PLEKHG6: variants seen among roughly 807,000 people sequenced by gnomAD.
PLEKHG6 encodes the protein pleckstrin homology domain-containing family G member 6.
In PLEKHG6, 91 loss-of-function variants were observed where a neutral mutation model predicts 97.5. That is an observed-to-expected ratio of 0.93 (90% CI 0.79 to 1.11). The LOEUF (loss-of-function observed/expected upper bound fraction) is 1.11. PLEKHG6 is among the 50% of genes most tolerant of loss of function. The pLI, the probability that PLEKHG6 is intolerant of heterozygous loss-of-function variation, is 0.00. For missense variants in PLEKHG6, 1,044 were observed against 1,031.0 expected, an observed-to-expected ratio of 1.01 and a Z score of -0.17; for synonymous variants, 466 against 425.5, an observed-to-expected ratio of 1.10 and a Z score of -1.17.
At position 6,318,878 on chromosome 12, in the gene PLEKHG6, G is replaced by C; in HGVS notation, c.1408+1G>C. ...GTGTGCCAACCCCTGCGAGACCCCA[G>C]TACGTCCTTCCTTCAGGGAGTCTTT... is the stretch of plus-strand genomic sequence containing the variant. On this transcript the variant is annotated splice_donor_variant, in intron 12 of 15. Transcript: ENST00000684764. LOFTEE classifies it high-confidence loss of function. The C allele has an allele frequency of 6.2e-7, 1 of 1,614,234 alleles. No individual in the cohort carries two copies. Among genetic ancestry groups the C allele is most frequent in the African/African-American group, 1.3e-5 (1 of 75,062 alleles).
chr12:6,318,056 A>G, intron 10 of PLEKHG6, 62 bp downstream of exon 10: 1 of 1,503,176 alleles, frequency 6.7e-7, no homozygotes, highest in Non-Finnish European at 9.0e-7. Context: ...GGTGAAGGGG[A>G]GGGCTGCAAG....
At chr12:6,317,185 G>A (rs1474755796) in intron 7 of PLEKHG6, 118 bp from the exon 8 acceptor site, 1 of 663,120 alleles carries the variant, frequency 1.5e-6, no homozygotes, top group Non-Finnish European at 2.7e-6. Flanking sequence ...ACTGTCAGGA[G>A]CTGGGCTAAG....
intron 13 of PLEKHG6, among the ~76,000 whole-genome samples, chr12:6,325,966 A>G (rs1443425238): frequency 6.6e-6 from 1 of 152,188 alleles, no homozygotes; most frequent in African/African-American, 2.4e-5. Flanking sequence ...CTCAGTAGTA[A>G]GGTGGGGTAA....
At chr12:6,319,266 G>A in intron 13 of PLEKHG6, 158 bp downstream of exon 13, 1 of 618,254 alleles carries the variant, frequency 1.6e-6, no homozygotes, top group East Asian at 2.8e-5. Flanking sequence ...TGGCCAACAT[G>A]GTGAAACCCC....
intron 13 of PLEKHG6, 78 bp downstream of exon 13, chr12:6,319,186 A>G (rs1947610125): frequency 2.2e-6 from 2 of 928,002 alleles, no homozygotes; most frequent in Admixed American, 2.3e-5. Flanking sequence ...GGTGGATCAC[A>G]CCTGTAATCT....
Position 6,317,318 on chromosome 12 carries a change from C to T in PLEKHG6, c.772C>T (p.His258Tyr). ...SGFLTFGQRFHPYVQYCLRVK... is the reference protein window; with the variant it reads ...SGFLTFGQRFYPYVQYCLRVK... ...GTCTCTCCAGTTTGGCCAGCGGTTCCACCCCTATGTCCAGTACTGCCTCCG... is the reference window on the plus strand; with the variant it reads ...GTCTCTCCAGTTTGGCCAGCGGTTCTACCCCTATGTCCAGTACTGCCTCCG... Residue 258 changes from histidine to tyrosine, a missense_variant, in exon 8 of 16, where the codon CAC becomes TAC. Transcript: ENST00000684764. 1 of 1,613,566 alleles carries T rather than the reference C, an allele frequency of 6.2e-7. No individual in the cohort carries two copies. Among genetic ancestry groups the T allele is most frequent in the South Asian group, 1.1e-5 (1 of 91,082 alleles).
chr12:6,323,659 C>T (rs1306836061), intron 13 of PLEKHG6, among the ~76,000 whole-genome samples: 1 of 152,232 alleles, frequency 6.6e-6, no homozygotes, highest in Admixed American at 6.5e-5. Context: ...CTGAAGGAGG[C>T]AGCCGAGGCT....
rs906186442 is a variant in PLEKHG6 at position 6,319,525 on chromosome 12, G to T, written c.1524+417G>T. On this transcript the variant is annotated intron_variant, in intron 13 of 15. Transcript: ENST00000684764. ...GAGCGCAGAGGGGAGGAGGAGAGAGGCTGGGGTGGATTCAGTTTCAGACTG... is the reference window on the plus strand; with the variant it reads ...GAGCGCAGAGGGGAGGAGGAGAGAGTCTGGGGTGGATTCAGTTTCAGACTG... 1.3e-5 allele frequency: 20 copies of T among 1,519,436 alleles called. No homozygotes were observed. In the South Asian group the frequency reaches 1.6e-4, roughly 12 times the overall value. 94.1% of individuals were successfully genotyped at this position (1,519,436 alleles called of 1,614,324 possible).
chr12:6,312,467 C>T lies in PLEKHG6; in HGVS notation c.138+103C>T, dbSNP rs1454910280. ...TTACAGGTTCAGAGGTTGAGCTATT[C>T]CTGCCCCTTACCCTACTCTTCTTTC... On this transcript the variant is annotated intron_variant, in intron 2 of 15. Coordinates refer to ENST00000684764, the MANE Select transcript of PLEKHG6 (RefSeq NM_001384598.1). 3.1e-6 allele frequency: 4 copies of T among 1,306,668 alleles called. No homozygotes were observed. The East Asian group carries it at 8.2e-5, about 27-fold the overall frequency. 80.9% of individuals were successfully genotyped at this position (1,306,668 alleles called of 1,614,324 possible). A position where few individuals can be genotyped will look rare whatever the true frequency, so the allele number is the denominator to read the frequency against.
chr12:6,319,952 C>T (rs1947647045), intron 13 of PLEKHG6, among the ~76,000 whole-genome samples: 1 of 152,164 alleles, frequency 6.6e-6, no homozygotes, highest in Non-Finnish European at 1.5e-5. Flanking sequence ...GAGCTGATGT[C>T]TGAGCACCAT....
intron 13 of PLEKHG6, among the ~76,000 whole-genome samples, chr12:6,324,866 G>A (rs1430139502): frequency 6.6e-6 from 1 of 152,138 alleles, no homozygotes; most frequent in African/African-American, 2.4e-5. Context: ...TGGGGAGATA[G>A]TGGAAATATT....
At chr12:6,317,772 A>C (rs868219542) in intron 9 of PLEKHG6, 76 bp downstream of exon 9, 1 of 1,572,972 alleles carries the variant, frequency 6.4e-7, no homozygotes, top group African/African-American at 1.4e-5. Flanking sequence ...TGTGTCTGTG[A>C]CAGTGTGGCG....
chr12:6,319,751 G>T, intron 13 of PLEKHG6: 3 of 1,364,456 alleles, frequency 2.2e-6, no homozygotes, highest in Non-Finnish European at 3.0e-6. Context: ...TGCTGAGTAC[G>T]GCAGGCACTA....
In PLEKHG6 at chr12:6,327,800, CAG is replaced by C. The variant is rs1245171020; in HGVS notation, c.2223_2224del (p.Glu741AspfsTer11). On this transcript the variant is annotated frameshift_variant, in exon 15 of 16. Coordinates refer to ENST00000684764, the MANE Select transcript of PLEKHG6 (RefSeq NM_001384598.1). LOFTEE classifies it high-confidence loss of function. ...GCCCAATGCGGGCTGAGGACATGCT[CAG>C]AGAGATCCGGGAGGAGCTGGCCAGC... ...LRPMRAEDMLREIREELASQR... is the reference protein window; with the variant it reads ...LRPMRAEDMLXEIREELASQR... 6.6e-7 allele frequency: 1 copy of C among 1,517,854 alleles called. No homozygotes were observed. The highest frequency in any genetic ancestry group is 8.8e-7 in the Non-Finnish European group (1 of 1,134,720). The allele number at this position is 1,517,854 out of a possible 1,614,324, so 94.0% of individuals were successfully genotyped here.
Position 6,327,707 on chromosome 12 carries a change from C to T in PLEKHG6, c.2124C>T (p.Pro708=), listed in dbSNP as rs1430357236. The change falls in exon 15 of 16, where the codon CCC becomes CCT. Residue 708 remains proline (P), a synonymous_variant. Coordinates refer to ENST00000684764, the MANE Select transcript of PLEKHG6 (RefSeq NM_001384598.1). ...ATGCTGACTCTGCCGGGGAAAGCCC[C>T]TGGGAGTCCTCAGGGGAGGAGGAAG... ...PTHADSAGES[P]WESSGEEEEE... is the part of the protein sequence containing the mutation. The T allele has an allele frequency of 1.3e-6, 2 of 1,563,668 alleles. No homozygotes were observed. The highest frequency in any genetic ancestry group is 1.9e-5 in the Admixed American group (1 of 51,944).
At chr12:6,314,565 C>T (rs1947387070) in intron 3 of PLEKHG6, among the ~76,000 whole-genome samples, 1 of 152,032 alleles carries the variant, frequency 6.6e-6, no homozygotes, top group African/African-American at 2.4e-5. Context: ...ATAAAAAATG[C>T]CATTTTATAG....
intron 13 of PLEKHG6, 79 bp downstream of exon 13, chr12:6,319,187 C>G: frequency 1.1e-6 from 1 of 918,468 alleles, no homozygotes; most frequent in Non-Finnish European, 1.7e-6. Context: ...GTGGATCACA[C>G]CTGTAATCTC....
chr12:6,327,525 G>A lies in PLEKHG6; in HGVS notation c.1942G>A (p.Glu648Lys), dbSNP rs765232387. 12 of 1,209,458 alleles carry A rather than the reference G, an allele frequency of 9.9e-6. No individual in the cohort carries two copies. The highest frequency in any genetic ancestry group is 3.6e-5 in the South Asian group (3 of 82,926). 74.9% of individuals were successfully genotyped at this position (1,209,458 alleles called of 1,614,324 possible). The change falls in exon 15 of 16, where the codon GAA (glutamate) becomes AAA (lysine). Residue 648 changes from glutamate (E) to lysine (K), a missense_variant. Glu to Lys is a moderately conservative substitution (Grantham distance 56). Transcript: ENST00000684764. ...AGCTCCTCAACGCCGAAGCGCCCCC[G>A]AACTGCCGGAAGGAATCCTAAAAGG... ...PQAPQRRSAP[E>K]LPEGILKGGS...
chr12:6,317,791 T>C, intron 9 of PLEKHG6, 66 bp from the exon 10 acceptor site: 5 of 1,547,038 alleles, frequency 3.2e-6, no homozygotes, highest in Non-Finnish European at 4.4e-6. Context: ...CGCTGTGCTG[T>C]GGCTGGCATT....
Sources: gnomAD v4.1 joint callset for allele counts (sites outside exome capture counted in the v4.1 genomes callset) on GRCh38, gnomAD v4.1.1 for gene constraint, MANE v1.5 for transcripts, NCBI Gene and HGNC (gene_info 2026-07-23, HGNC 2026-07-21) for gene names.